MEGF11: variants seen among roughly 807,000 people sequenced by gnomAD.
The protein encoded by MEGF11 is multiple epidermal growth factor-like domains protein 11.
In MEGF11, 126 loss-of-function variants were observed where a neutral mutation model predicts 146.6. The ratio of observed to expected loss-of-function variants is 0.86; its 90% CI spans 0.74 to 1.00. MEGF11 has a LOEUF of 1.00. MEGF11 is among the 50% of genes least tolerant of loss of function. MEGF11 has a pLI of 0.00. For missense variants in MEGF11, 1,509 were observed against 1,521.2 expected (o/e 0.99, Z 0.13); for synonymous variants, 532 against 583.4 (o/e 0.91, Z 1.27).
At chr15:66,048,402 A>C (rs771018632) in intron 5 of MEGF11, among the ~76,000 whole-genome samples, 43 of 152,250 alleles carry the variant, frequency 2.8e-4, no homozygotes, top group Non-Finnish European at 5.1e-4. Context: ...TGGGAGGTTC[A>C]AAGGAAAGCA....
At chr15:65,925,683 CTTTA>C (rs1567160595) in intron 13 of MEGF11, among the ~76,000 whole-genome samples, 1 of 152,122 alleles carries the variant, frequency 6.6e-6, no homozygotes, top group Non-Finnish European at 1.5e-5. Flanking sequence ...AACCCCCTTG[CTTTA>C]TTTTTCAGGA....
At chr15:66,235,147 C>T (rs1313542350) in intron 1 of MEGF11, among the ~76,000 whole-genome samples, 4 of 152,080 alleles carry the variant, frequency 2.6e-5, no homozygotes, top group South Asian at 4.2e-4. Context: ...TGGCGGAGGG[C>T]GGGGAAGGTG....
intron 1 of MEGF11, among the ~76,000 whole-genome samples, chr15:66,194,605 G>A (rs563151192): frequency 2.9e-4 from 42 of 144,810 alleles, no homozygotes; most frequent in African/African-American, 8.2e-4. Context: ...GCAAGACTCC[G>A]TCTCAAAAAA....
At chr15:66,049,858 A>G (rs1182482655) in intron 5 of MEGF11, among the ~76,000 whole-genome samples, 1 of 152,182 alleles carries the variant, frequency 6.6e-6, no homozygotes, top group Non-Finnish European at 1.5e-5. Context: ...GCGACTTCCA[A>G]TAGTCACGGC....
intron 7 of MEGF11, among the ~76,000 whole-genome samples, chr15:65,979,660 G>C (rs1352267790): frequency 2.6e-5 from 4 of 152,198 alleles, no homozygotes; most frequent in Admixed American, 6.5e-5. Flanking sequence ...TGACAGGCAG[G>C]GTATGTTGGC....
chr15:65,922,874 C>G lies in MEGF11; in HGVS notation c.1771G>C (p.Asp591His), dbSNP rs923409775. ...CCAGGGGCACACTCGCAGCTCCCAT[C>G]CTCTGGGGAGCAGGAGCCTCCATTC... ...CENGGSCSPEDGSCECAPGFR... is the reference protein window; with the variant it reads ...CENGGSCSPEHGSCECAPGFR... The change falls in exon 14 of 26, where the codon GAT (aspartate) becomes CAT (histidine). Residue 591 changes from aspartate to histidine, a missense_variant. By Grantham distance (81) the Asp-to-His change is moderately conservative (BLOSUM62 -1). Coordinates refer to ENST00000395614, the MANE Select transcript of MEGF11 (RefSeq NM_001385028.1). 6.2e-7 allele frequency: 1 copy of G among 1,613,526 alleles called. No homozygotes were observed. The highest frequency in any genetic ancestry group is 8.5e-7 in the Non-Finnish European group (1 of 1,179,770).
chr15:66,077,554 C>T (rs373794235), intron 5 of MEGF11, among the ~76,000 whole-genome samples: 3 of 152,216 alleles, frequency 2.0e-5, no homozygotes, highest in Admixed American at 6.5e-5. Flanking sequence ...GAACGAAAGA[C>T]GTGATAAGAC....
At chr15:66,105,599 G>A (rs570960111) in intron 4 of MEGF11, among the ~76,000 whole-genome samples, 1 of 152,320 alleles carries the variant, frequency 6.6e-6, no homozygotes, top group Admixed American at 6.5e-5. Context: ...TCAAAGCCCT[G>A]AGCAGGCACT....
chr15:65,953,788 C>T (rs2080484033), intron 10 of MEGF11, among the ~76,000 whole-genome samples: 1 of 152,016 alleles, frequency 6.6e-6, no homozygotes, highest in Non-Finnish European at 1.5e-5. Context: ...TGCTTCTGCC[C>T]CGTGTCCCTG....
intron 3 of MEGF11, among the ~76,000 whole-genome samples, chr15:66,122,988 T>G (rs2088121275): frequency 6.6e-6 from 1 of 152,138 alleles, no homozygotes; most frequent in Admixed American, 6.5e-5. Flanking sequence ...TTTCACTGTG[T>G]TAGCCAGGAT....
At chr15:66,253,495 C>A (rs1266156984) in intron 1 of MEGF11, 110 bp downstream of exon 1, 2 of 152,188 alleles carry the variant, frequency 1.3e-5, no homozygotes, top group Non-Finnish European at 2.9e-5. Context: ...GAAAGTTAGT[C>A]GCGGGGCCTC....
intron 5 of MEGF11, among the ~76,000 whole-genome samples, chr15:66,044,842 C>A (rs2084132468): frequency 1.1e-5 from 1 of 91,856 alleles, no homozygotes; most frequent in Non-Finnish European, 1.9e-5. Flanking sequence ...GACAGTGAGA[C>A]CTTATCTCAA....
At chr15:65,977,997 G>C (rs1033791429) in intron 7 of MEGF11, among the ~76,000 whole-genome samples, 1 of 152,212 alleles carries the variant, frequency 6.6e-6, no homozygotes. Context: ...CCTGAAACAG[G>C]CTTCATGTTG....
chr15:65,906,187 T>G, intron 23 of MEGF11, 46 bp from the exon 24 acceptor site: 2 of 1,392,718 alleles, frequency 1.4e-6, no homozygotes, highest in Non-Finnish European at 2.0e-6. Context: ...GGGGTGAGGT[T>G]TACTTAGACT....
chr15:66,051,500 A>C (rs1474424680), intron 5 of MEGF11, among the ~76,000 whole-genome samples: 1 of 152,218 alleles, frequency 6.6e-6, no homozygotes, highest in Non-Finnish European at 1.5e-5. Flanking sequence ...AAGAAAAAGC[A>C]CAGAGGGAAG....
chr15:66,124,189 C>T (rs2088211278), intron 2 of MEGF11, among the ~76,000 whole-genome samples, 189 bp from the exon 3 acceptor site: 2 of 152,198 alleles, frequency 1.3e-5, no homozygotes, highest in African/African-American at 4.8e-5. Flanking sequence ...TCCCCGACCC[C>T]AGGTTGGCCC....
At chr15:65,928,376 G>T (rs773014470) in intron 13 of MEGF11, 49 bp downstream of exon 13, 2 of 1,302,990 alleles carry the variant, frequency 1.5e-6, no homozygotes, top group Non-Finnish European at 2.1e-6. Context: ...AGGATACCAA[G>T]AACCCAGTTT....
intron 5 of MEGF11, among the ~76,000 whole-genome samples, chr15:66,068,498 C>T (rs1274249587): frequency 6.6e-6 from 1 of 152,198 alleles, no homozygotes; most frequent in Non-Finnish European, 1.5e-5. Context: ...CTAGTGAAAT[C>T]TAGTACCTAA....
intron 1 of MEGF11, among the ~76,000 whole-genome samples, chr15:66,155,789 G>A (rs1477822024): frequency 2.0e-5 from 3 of 152,170 alleles, no homozygotes; most frequent in East Asian, 1.9e-4. Context: ...CCTTGAAGGT[G>A]GAGCCCAAGT....
Sources: gnomAD v4.1 joint callset for allele counts (sites outside exome capture counted in the v4.1 genomes callset) on GRCh38, gnomAD v4.1.1 for gene constraint, MANE v1.5 for transcripts, NCBI Gene and HGNC (gene_info 2026-07-23, HGNC 2026-07-21) for gene names.